LDAF1: variants seen among roughly 807,000 people sequenced by gnomAD.
LDAF1 encodes lipid droplet assembly factor 1, also known as PROMETHIN.
Under a neutral mutation model 13.5 loss-of-function variants are expected in LDAF1, and 7 were observed. That is an observed-to-expected ratio of 0.52 (90% CI 0.29 to 0.97). The LOEUF (loss-of-function observed/expected upper bound fraction) is 0.97, where lower values mean the gene tolerates loss of function less well. Among genes scored for constraint, LDAF1 ranks in the 50% least tolerant of loss-of-function variants. LDAF1 has a pLI of 0.07. For synonymous variants in LDAF1, 69 were observed against 77.1 expected (o/e 0.89, Z 0.55); for missense variants, 148 against 193.2 (o/e 0.77, Z 1.39).
In LDAF1 at chr16:21,179,329, T is replaced by G. The variant is rs1297153376; in HGVS notation, c.405-146T>G. On this transcript the variant is annotated intron_variant, in intron 4 of 4. Coordinates refer to ENST00000233047, the MANE Select transcript of LDAF1 (RefSeq NM_001301771.2). ...ACCTCCTGTGCCCTCAGTTTCTTCA[T>G]CTGTATAATGGACATAGGCCTGGTG... 7 of 1,522,970 alleles carry G rather than the reference T, an allele frequency of 4.6e-6. No individual in the cohort carries two copies. The East Asian group carries it at 1.7e-4, about 37-fold the overall frequency. 94.3% of individuals were successfully genotyped at this position (1,522,970 alleles called of 1,614,324 possible).
intron 2 of LDAF1, chr16:21,169,230 T>C (rs951885846): frequency 4.3e-6 from 4 of 924,374 alleles, no homozygotes; most frequent in Non-Finnish European, 5.2e-6. Context: ...CAAACTTTAA[T>C]GTGTATGCAC....
chr16:21,178,320 C>G (rs974205258), intron 4 of LDAF1: 7 of 985,222 alleles, frequency 7.1e-6, no homozygotes, highest in African/African-American at 5.2e-5. Context: ...ATATCATAAT[C>G]TTCCAAACCA....
chr16:21,159,305 G>C (rs959354456), intron 1 of LDAF1: 1 of 1,602,788 alleles, frequency 6.2e-7, no homozygotes, highest in African/African-American at 1.3e-5. Context: ...TGCCTTCTGG[G>C]ACGCGGACCC....
chr16:21,169,036 G>C (rs889768830), intron 2 of LDAF1: 25 of 171,238 alleles, frequency 1.5e-4, no homozygotes, highest in Non-Finnish European at 2.6e-4. Context: ...GCTTTTAATA[G>C]TAATAATACT....
At chr16:21,167,725 G>C (rs1346769637) in intron 2 of LDAF1, among the ~76,000 whole-genome samples, 1 of 31,136 alleles carries the variant, frequency 3.2e-5, no homozygotes, top group African/African-American at 1.3e-4. Context: ...GGAGACTTGC[G>C]GTGGGGCGCG....
chr16:21,165,406 A>G (rs1345779913), intron 2 of LDAF1, among the ~76,000 whole-genome samples: 3 of 152,184 alleles, frequency 2.0e-5, no homozygotes, highest in Non-Finnish European at 2.9e-5. Flanking sequence ...GTGAGATTCC[A>G]TCTCAAAAAA....
At chr16:21,163,646 G>GACAAA (rs745502264) in intron 2 of LDAF1, among the ~76,000 whole-genome samples, 5 of 152,016 alleles carry the variant, frequency 3.3e-5, no homozygotes, top group Admixed American at 6.6e-5. Context: ...CTCTATCTCA[G>GACAAA]ACAAAACAAA....
chr16:21,163,916 G>A (rs1035061595), intron 2 of LDAF1, among the ~76,000 whole-genome samples: 7 of 152,112 alleles, frequency 4.6e-5, no homozygotes, highest in Non-Finnish European at 1.0e-4. Context: ...TGGCCACGCT[G>A]ATCTCCAACT....
At chr16:21,162,342 C>T (rs1470272299) in intron 2 of LDAF1, among the ~76,000 whole-genome samples, 2 of 152,066 alleles carry the variant, frequency 1.3e-5, no homozygotes, top group Admixed American at 1.3e-4. Context: ...CATTTCAATT[C>T]GAGTTAGCCA....
Position 21,179,896 on chromosome 16 carries a change from C to G in LDAF1, c.*340C>G, listed in dbSNP as rs2093168303. 1 of 188,406 alleles carries G rather than the reference C, an allele frequency of 5.3e-6. No individual in the cohort carries two copies. Among genetic ancestry groups the G allele is most frequent in the Non-Finnish European group, 1.1e-5 (1 of 91,590 alleles). The allele number at this position is 188,406 out of a possible 1,614,324, so 11.7% of individuals were successfully genotyped here. On this transcript the variant is annotated 3_prime_UTR_variant, in exon 5 of 5. Coordinates refer to ENST00000233047, the MANE Select transcript of LDAF1 (RefSeq NM_001301771.2). ...TGTCCAACGGTCCCATTGGGAGCAA[C>G]AGTGATTGTTTATAGTTTTTTGTTT... is the stretch of plus-strand genomic sequence containing the variant.
intron 1 of LDAF1, chr16:21,159,411 G>GT (rs761239127): frequency 3.7e-6 from 6 of 1,614,016 alleles, no homozygotes; most frequent in Non-Finnish European, 5.1e-6. Flanking sequence ...GGGGCGGCCA[G>GT]TGTGAGCTCG....
chr16:21,160,032 C>T (rs1020523613), intron 1 of LDAF1: 1 of 923,616 alleles, frequency 1.1e-6, no homozygotes, highest in African/African-American at 1.8e-5. Flanking sequence ...GGATGTCTAG[C>T]TGGGATGATT....
At chr16:21,169,011 AATT>A (rs2093060069) in intron 2 of LDAF1, 1 of 144,282 alleles carries the variant, frequency 6.9e-6, no homozygotes, top group African/African-American at 2.6e-5. Context: ...ATTATATTAT[AATT>A]ATAATTATAA....
intron 1 of LDAF1, among the ~76,000 whole-genome samples, chr16:21,160,595 A>G (rs1243422478): frequency 6.6e-6 from 1 of 152,222 alleles, no homozygotes; most frequent in Admixed American, 6.5e-5. Context: ...GAGATTTGAA[A>G]TAGTGTGTTC....
intron 2 of LDAF1, 132 bp downstream of exon 2, chr16:21,161,410 G>A: frequency 9.1e-7 from 1 of 1,101,426 alleles, no homozygotes; most frequent in South Asian, 1.6e-5. Flanking sequence ...TTACCGCCCT[G>A]CCATGTCTAT....
At chr16:21,170,245 C>T (rs1056887282) in intron 2 of LDAF1, 192 bp from the exon 3 acceptor site, 15 of 950,768 alleles carry the variant, frequency 1.6e-5, no homozygotes, top group Admixed American at 1.2e-4. Flanking sequence ...TCAGGTGATC[C>T]GCTCGCCTTG....
chr16:21,178,257 T>C (rs2093156757), intron 4 of LDAF1: 1 of 985,274 alleles, frequency 1.0e-6, no homozygotes, highest in Non-Finnish European at 1.2e-6. Flanking sequence ...TCAGGAGAAG[T>C]AGGGGCCCTG....
intron 2 of LDAF1, among the ~76,000 whole-genome samples, chr16:21,166,615 G>A (rs995823294): frequency 9.8e-5 from 15 of 152,332 alleles, no homozygotes; most frequent in East Asian, 1.9e-4. Flanking sequence ...CCTCGCTGGC[G>A]CAGCATACTC....
chr16:21,167,867 C>T (rs1341920373), intron 2 of LDAF1, among the ~76,000 whole-genome samples: 4 of 149,602 alleles, frequency 2.7e-5, no homozygotes, highest in East Asian at 2.0e-4. Flanking sequence ...CTTAGCTGGG[C>T]GTGGTGGGGG....
Sources: allele counts gnomAD v4.1 joint callset (sites outside exome capture counted in the v4.1 genomes callset), GRCh38; gene constraint gnomAD v4.1.1; transcripts MANE v1.5; gene names NCBI Gene and HGNC (gene_info 2026-07-23, HGNC 2026-07-21).